The following ANKMY1 variants were observed in gnomAD, a reference collection of about 807,000 sequenced individuals.
ANKMY1 encodes ankyrin repeat and MYND domain containing 1, also known as ankyrin repeat and MYND domain-containing protein 1.
ANKMY1 carries 98 observed loss-of-function variants against 102.0 expected under a neutral mutation model. The ratio of observed to expected loss-of-function variants is 0.96; its 90% confidence interval spans 0.82 to 1.14. ANKMY1 has a LOEUF of 1.14. Among genes scored for constraint, ANKMY1 ranks in the 50% most tolerant of loss-of-function variants. The pLI, the probability that ANKMY1 is intolerant of heterozygous loss-of-function variation, is 0.00. For synonymous variants in ANKMY1, 582 were observed against 559.9 expected, an observed-to-expected ratio of 1.04 and a Z score of -0.56; for missense variants, 1,330 against 1,347.6, an observed-to-expected ratio of 0.99 and a Z score of 0.20.
Position 240,479,507 on chromosome 2 carries a change from A to C in ANKMY1, c.*102T>G, listed in dbSNP as rs4073020. 5.4e-5 allele frequency: 75 copies of C among 1,384,882 alleles called. 1 individual carries two copies. In the Admixed American group the frequency reaches 1.3e-3, roughly 23 times the overall value. The allele number at this position is 1,384,882 out of a possible 1,614,324, so 85.8% of individuals were successfully genotyped here. ...CAAAGCATGACCCCAAAGGTGCAGA[A>C]ATGCCTGCATTAGGCTGGAAGATTC... On this transcript the variant is annotated 3_prime_UTR_variant, in exon 18 of 18. Transcript: ENST00000401804.
intron 15 of ANKMY1, among the ~76,000 whole-genome samples, chr2:240,497,155 G>A (rs1034552897): frequency 3.3e-5 from 5 of 150,062 alleles, no homozygotes; most frequent in East Asian, 3.9e-4. Flanking sequence ...CCACCTCCTC[G>A]CCATCTTGGA....
intron 13 of ANKMY1, among the ~76,000 whole-genome samples, chr2:240,502,479 G>C (rs925921334): frequency 6.6e-6 from 1 of 151,926 alleles, no homozygotes; most frequent in African/African-American, 2.4e-5. Flanking sequence ...CCAACCCCTG[G>C]GAGTCACTGG....
intron 8 of ANKMY1, among the ~76,000 whole-genome samples, chr2:240,521,431 T>A (rs1202925626): frequency 2.7e-5 from 4 of 148,122 alleles, no homozygotes; most frequent in African/African-American, 9.9e-5. Flanking sequence ...TATGCCTTTC[T>A]GGTGGGTTGT....
At chr2:240,521,458 A>G (rs1208975365) in intron 8 of ANKMY1, among the ~76,000 whole-genome samples, 1 of 150,122 alleles carries the variant, frequency 6.7e-6, no homozygotes, top group Non-Finnish European at 1.5e-5. Context: ...CGCTGACTTC[A>G]AGAATGAAGT....
chr2:240,482,100 G>T, intron 16 of ANKMY1, 83 bp downstream of exon 16: 1 of 1,443,008 alleles, frequency 6.9e-7, no homozygotes, highest in Non-Finnish European at 9.5e-7. Flanking sequence ...GTCCCGGGAT[G>T]AGGTGGTCAG....
the ANKMY1 span, among the ~76,000 whole-genome samples, chr2:240,469,590 C>T: frequency 2.4e-4 from 37 of 152,368 alleles, no homozygotes; most frequent in East Asian, 6.4e-3. Flanking sequence ...CAGGCAGCCC[C>T]GGCAGGCCAG....
downstream of ANKMY1, among the ~76,000 whole-genome samples, chr2:240,475,558 A>G (rs13000733): frequency 0.42 from 63,376 of 151,670 alleles, 14,347 homozygotes; most frequent in East Asian, 0.7. Context: ...CAATAAATTT[A>G]AGGGAGGTAA....
chr2:240,485,958 A>G (rs995436677), intron 15 of ANKMY1, among the ~76,000 whole-genome samples: 4 of 152,164 alleles, frequency 2.6e-5, no homozygotes, highest in Non-Finnish European at 5.9e-5. Context: ...GAGATATTAA[A>G]AAGTTATTCC....
At chr2:240,525,167 A>G (rs1183120520) in intron 7 of ANKMY1, among the ~76,000 whole-genome samples, 1 of 152,214 alleles carries the variant, frequency 6.6e-6, no homozygotes. Context: ...ATAAACTCCC[A>G]GTGTTAGTCA....
intron 17 of ANKMY1, 34 bp downstream of exon 17, chr2:240,480,903 G>A (rs1315414651): frequency 6.3e-7 from 1 of 1,591,966 alleles, no homozygotes; most frequent in South Asian, 1.1e-5. Context: ...AGCAGCAGCG[G>A]AACCCTTGCC....
chr2:240,526,983 AG>A, intron 5 of ANKMY1: 1 of 1,007,940 alleles, frequency 9.9e-7, no homozygotes, highest in Non-Finnish European at 1.2e-6. Context: ...TGTACCTAAC[AG>A]TCTTCAACAA....
the ANKMY1 span, among the ~76,000 whole-genome samples, chr2:240,471,206 G>A: frequency 6.6e-6 from 1 of 151,744 alleles, no homozygotes; most frequent in Non-Finnish European, 1.5e-5. Context: ...CCACAGTGAG[G>A]AAGTGAGATT....
At chr2:240,479,211 G>A (rs2075068672), downstream of ANKMY1, among the ~76,000 whole-genome samples, 1 of 152,194 alleles carries the variant, frequency 6.6e-6, no homozygotes. Flanking sequence ...TCCTGGCAAG[G>A]TCCCAGAACA....
At chr2:240,494,823 G>T (rs1257390965) in intron 15 of ANKMY1, among the ~76,000 whole-genome samples, 1 of 152,088 alleles carries the variant, frequency 6.6e-6, no homozygotes, top group Non-Finnish European at 1.5e-5. Context: ...TCTCCTACTT[G>T]TGGGTGGCAA....
chr2:240,509,860 C>T lies in ANKMY1; in HGVS notation c.2287-405G>A, dbSNP rs573316084. Among the ~76,000 whole-genome samples, 58 of 152,108 alleles carry T rather than the reference C, an allele frequency of 3.8e-4. 1 individual carries two copies. The South Asian group carries it at 0.012, about 32-fold the overall frequency. ...AGGGCTCAGTGATCGTAGAGGACGG[C>T]CTGAGTGTAAAGAGCCCCACCCTCG... On this transcript the variant is annotated intron_variant, in intron 11 of 17. Coordinates refer to ENST00000401804, the MANE Select transcript of ANKMY1 (RefSeq NM_001282771.3).
chr2:240,504,232 A>G (rs568215666), intron 13 of ANKMY1, among the ~76,000 whole-genome samples: 1 of 152,310 alleles, frequency 6.6e-6, no homozygotes, highest in Non-Finnish European at 1.5e-5. Flanking sequence ...CAGCACCATC[A>G]TTTATGTATA....
chr2:240,560,358 C>T (rs2092853284), upstream of ANKMY1: 1 of 230,070 alleles, frequency 4.3e-6, no homozygotes, highest in Non-Finnish European at 8.4e-6. Context: ...CCAAGAGCCA[C>T]AGACGCAAGC....
chr2:240,541,542 G>A (rs186120562), intron 4 of ANKMY1, among the ~76,000 whole-genome samples: 144 of 126,948 alleles, frequency 1.1e-3, no homozygotes, highest in East Asian at 3.3e-3. Context: ...TCTCACTCTC[G>A]CCCAGGCTGG....
rs555716816 is a variant in ANKMY1, at chr2:240,520,735, C to G, written c.1833-202G>C. ...CAACTACACACAAGCCACACCAGAG[C>G]GCACACACACGGCACACACAGCACA... On this transcript the variant is annotated intron_variant, in intron 8 of 17. Coordinates refer to ENST00000401804, the MANE Select transcript of ANKMY1 (RefSeq NM_001282771.3). The surrounding 1 kb of genome is among the most constrained non-coding windows in gnomAD (Gnocchi z 4.8). Among the ~76,000 whole-genome samples the G allele has an allele frequency of 6.6e-6, 1 of 151,000 alleles. No individual in the cohort carries two copies. Among genetic ancestry groups the G allele is most frequent in the Non-Finnish European group, 1.5e-5 (1 of 67,626 alleles).
Sources: allele counts gnomAD v4.1 joint callset (sites outside exome capture counted in the v4.1 genomes callset), GRCh38; gene constraint gnomAD v4.1.1; non-coding constraint Gnocchi (gnomAD v3.1); transcripts MANE v1.5; gene names NCBI Gene and HGNC (gene_info 2026-07-23, HGNC 2026-07-21).